UGT2A2: variants seen among roughly 807,000 people sequenced by gnomAD.
UGT2A2 encodes UDP glucuronosyltransferase family 2 member A2.
In UGT2A2, 60 loss-of-function variants were observed where a neutral mutation model predicts 50.7. The observed-to-expected ratio is 1.18, with a 90% CI of 0.96 to 1.47. The LOEUF is 1.47. UGT2A2 is among the 40% of genes most tolerant of loss of function. The probability of loss-of-function intolerance (pLI) is 0.00; values close to 1 mark genes in which losing one functional copy is unlikely to be tolerated. For synonymous variants in UGT2A2, 242 were observed against 214.6 expected (o/e 1.13, Z -1.11); for missense variants, 762 against 634.0 (o/e 1.20, Z -2.17).
chr4:69,589,665 A>T lies in UGT2A2; in HGVS notation c.1332-14T>A. The T allele has an allele frequency of 6.3e-7, 1 of 1,577,548 alleles. No individual in the cohort carries two copies. The highest frequency in any genetic ancestry group is 8.6e-7 in the Non-Finnish European group (1 of 1,160,624). The stretch of plus-strand genomic sequence containing the variant: ...TTCTCTTTATAACTAGAAGACAAAT[A>T]AATAGGCAGAAATTAGACAATTTTT... On this transcript the variant is annotated splice_polypyrimidine_tract_variant and intron_variant, in intron 5 of 5. Coordinates refer to ENST00000604629, the MANE Select transcript of UGT2A2 (RefSeq NM_001105677.2).
intron 5 of UGT2A2, 73 bp from the exon 6 acceptor site, chr4:69,589,724 C>A: frequency 6.5e-7 from 1 of 1,528,962 alleles, no homozygotes; most frequent in Non-Finnish European, 8.8e-7. Flanking sequence ...ATATGTGATA[C>A]ACTTTTGCTC....
At chr4:69,604,908 C>A (rs1363441365) in intron 1 of UGT2A2, among the ~76,000 whole-genome samples, 1 of 136,530 alleles carries the variant, frequency 7.3e-6, no homozygotes, top group Non-Finnish European at 1.6e-5. Context: ...CAGGAGCACC[C>A]AGATTCATAA....
At chr4:69,591,256 C>A (rs1247361864) in intron 5 of UGT2A2, among the ~76,000 whole-genome samples, 4 of 152,082 alleles carry the variant, frequency 2.6e-5, no homozygotes, top group African/African-American at 9.7e-5. Flanking sequence ...GGCTGGGGTG[C>A]AGCTTGGTTT....
In UGT2A2 at chr4:69,639,143, A is replaced by G. The variant is rs772755791; in HGVS notation, c.498T>C (p.Asp166=). The G allele has an allele frequency of 2.5e-6, 4 of 1,613,668 alleles. No homozygotes were observed. Among genetic ancestry groups the G allele is most frequent in the Admixed American group, 1.7e-5 (1 of 59,982 alleles). ...GAATTCCTAATTTCAGAGCAACAAG[A>G]TCACCACAGATTGTTACTGGGTCTG... ...LVADPVTICG[D]LVALKLGIPF... Residue 166 remains aspartate, a synonymous_variant, in exon 1 of 6, where the codon GAT becomes GAC. Transcript: ENST00000604629.
At chr4:69,626,155 T>G (rs181898604) in intron 1 of UGT2A2, among the ~76,000 whole-genome samples, 2 of 151,680 alleles carry the variant, frequency 1.3e-5, no homozygotes, top group Admixed American at 6.6e-5. Context: ...CTGGGCTATT[T>G]TTTTTTAATT....
chr4:69,625,003 C>CAA lies in UGT2A2; in HGVS notation c.742+13894_742+13895dup, dbSNP rs144107776. 9.3e-4 allele frequency among the ~76,000 whole-genome samples: 140 copies of CAA among 150,258 alleles called. 1 individual carries two copies. The highest frequency in any genetic ancestry group is 2.9e-3 in the African/African-American group (121 of 41,164). ...TTAATTTTCTTGGTTCTTGTAGCAA[C>CAA]AAAAAAAATCAGCCTTTATTTTTAA... On this transcript the variant is annotated intron_variant, in intron 1 of 5. Transcript: ENST00000604629.
chr4:69,605,526 G>T lies in UGT2A2; in HGVS notation c.743-6132C>A, dbSNP rs1395168429. ...AATTGAAAGAACTAGAGAAGCAAGA[G>T]CATAACACATTCAAGACCTAGCAGA... is the stretch of plus-strand genomic sequence containing the variant. On this transcript the variant is annotated intron_variant, in intron 1 of 5. Transcript: ENST00000604629. Among the ~76,000 whole-genome samples the T allele has an allele frequency of 2.2e-5, 3 of 135,942 alleles. 1 individual carries two copies. Among genetic ancestry groups the T allele is most frequent in the Admixed American group, 2.2e-4 (3 of 13,760 alleles). The allele number at this position is 135,942 out of a possible 152,430, so 89.2% of individuals were successfully genotyped here.
chr4:69,621,496 A>C (rs1355929405), intron 1 of UGT2A2, among the ~76,000 whole-genome samples: 2 of 151,982 alleles, frequency 1.3e-5, no homozygotes, highest in Non-Finnish European at 2.9e-5. Context: ...AAAGTAAAAA[A>C]AATAACAGAT....
In UGT2A2 at chr4:69,639,138, A is replaced by G; in HGVS notation, c.503T>C (p.Val168Ala). 6.2e-7 allele frequency: 1 copy of G among 1,613,712 alleles called. No homozygotes were observed. The highest frequency in any genetic ancestry group is 8.5e-7 in the Non-Finnish European group (1 of 1,179,752). The change falls in exon 1 of 6, where the codon GTT becomes GCT. Residue 168 changes from valine (V) to alanine (A), a missense_variant. Coordinates refer to ENST00000604629, the MANE Select transcript of UGT2A2 (RefSeq NM_001105677.2). ...ADPVTICGDLVALKLGIPFMY... is the reference protein window; with the variant it reads ...ADPVTICGDLAALKLGIPFMY... ...AAATGGAATTCCTAATTTCAGAGCAACAAGATCACCACAGATTGTTACTGG... is the reference window on the plus strand; with the variant it reads ...AAATGGAATTCCTAATTTCAGAGCAGCAAGATCACCACAGATTGTTACTGG...
chr4:69,613,557 C>T (rs2109921933), intron 1 of UGT2A2, among the ~76,000 whole-genome samples: 1 of 152,072 alleles, frequency 6.6e-6, no homozygotes, highest in Admixed American at 6.6e-5. Context: ...CTGTGATGAA[C>T]ATAGACACAA....
chr4:69,629,664 G>A (rs1416853592), intron 1 of UGT2A2, among the ~76,000 whole-genome samples: 1 of 152,002 alleles, frequency 6.6e-6, no homozygotes, highest in East Asian at 1.9e-4. Flanking sequence ...TCATTTCTAG[G>A]AATATTAAAT....
intron 1 of UGT2A2, among the ~76,000 whole-genome samples, chr4:69,609,555 G>A (rs189149936): frequency 1.2e-3 from 187 of 152,166 alleles, no homozygotes; most frequent in Non-Finnish European, 1.8e-3. Flanking sequence ...GTTAATAAAA[G>A]TCAGTAAATG....
chr4:69,592,486 T>C (rs1680280145), intron 5 of UGT2A2, among the ~76,000 whole-genome samples: 1 of 152,000 alleles, frequency 6.6e-6, no homozygotes, highest in Non-Finnish European at 1.5e-5. Flanking sequence ...GAATATGATA[T>C]CAAAATTGAC....
Position 69,615,484 on chromosome 4 carries a change from G to A in UGT2A2, c.743-16090C>T, listed in dbSNP as rs188064926. Among the ~76,000 whole-genome samples, 93 of 152,026 alleles carry A rather than the reference G, an allele frequency of 6.1e-4. 2 individuals carry two copies. The highest frequency in any genetic ancestry group is 3.4e-3 in the Admixed American group (52 of 15,234). ...TTTTCCATGTACCCATCTGACAAGGGATTGATAAGTAGAATATATCAGCAG... is the reference window on the plus strand; with the variant it reads ...TTTTCCATGTACCCATCTGACAAGGAATTGATAAGTAGAATATATCAGCAG... On this transcript the variant is annotated intron_variant, in intron 1 of 5. Transcript: ENST00000604629.
intron 1 of UGT2A2, among the ~76,000 whole-genome samples, chr4:69,627,614 G>C (rs1237650831): frequency 1.3e-5 from 2 of 150,782 alleles, no homozygotes; most frequent in Admixed American, 6.6e-5. Context: ...AAGAAAGAAA[G>C]AGAAGAAAGA....
chr4:69,639,072 C>G lies in UGT2A2; in HGVS notation c.569G>C (p.Arg190Thr). Residue 190 changes from arginine to threonine, a missense_variant, in exon 1 of 6, where the codon AGA becomes ACA. Physicochemically the swap from Arg to Thr is moderately conservative, Grantham distance 71 (BLOSUM62 -1). Coordinates refer to ENST00000604629, the MANE Select transcript of UGT2A2 (RefSeq NM_001105677.2). ...LRFSPASTVE[R>T]HCGKIPAPVS... ...TGGTGCTGGGATTTTCCCACAGTGTCTCTCCACTGTTGATGCTGGAGAGAA... is the reference window on the plus strand; with the variant it reads ...TGGTGCTGGGATTTTCCCACAGTGTGTCTCCACTGTTGATGCTGGAGAGAA... 1 of 1,613,410 alleles carries G rather than the reference C, an allele frequency of 6.2e-7. No individual in the cohort carries two copies. Among genetic ancestry groups the G allele is most frequent in the Non-Finnish European group, 8.5e-7 (1 of 1,179,642 alleles).
chr4:69,611,546 GT>G (rs1005084869), intron 1 of UGT2A2, among the ~76,000 whole-genome samples: 110 of 151,970 alleles, frequency 7.2e-4, no homozygotes, highest in Non-Finnish European at 1.3e-3. Context: ...ATAGCTCAGA[GT>G]TTTTTTCTCC....
intron 1 of UGT2A2, among the ~76,000 whole-genome samples, chr4:69,638,095 A>C (rs1202477852): frequency 6.6e-6 from 1 of 152,116 alleles, no homozygotes; most frequent in Non-Finnish European, 1.5e-5. Context: ...GAAAGTCAAA[A>C]GGTATGTAAA....
chr4:69,631,173 G>T (rs1721361753), intron 1 of UGT2A2, among the ~76,000 whole-genome samples: 1 of 152,100 alleles, frequency 6.6e-6, no homozygotes, highest in African/African-American at 2.4e-5. Flanking sequence ...AAAGCAGAGA[G>T]CTAGGGCTTG....
Sources: allele counts gnomAD v4.1 joint callset (sites outside exome capture counted in the v4.1 genomes callset), GRCh38; gene constraint gnomAD v4.1.1; transcripts MANE v1.5; gene names NCBI Gene and HGNC (gene_info 2026-07-23, HGNC 2026-07-21).